The following C17orf99 variants were observed in gnomAD, a reference collection of about 807,000 sequenced individuals.
C17orf99 encodes the protein protein IL-40.
In C17orf99, 18 loss-of-function variants were observed where a neutral mutation model predicts 22.6. The observed-to-expected ratio is 0.80, with a 90% CI of 0.55 to 1.18. The LOEUF (loss-of-function observed/expected upper bound fraction) is 1.18, where lower values mean the gene tolerates loss of function less well. Ranked by LOEUF, C17orf99 falls within the 50% of genes most tolerant of loss-of-function variation. The pLI is 0.00. For missense variants in C17orf99, 328 were observed against 342.7 expected, an observed-to-expected ratio of 0.96 and a Z score of 0.34; for synonymous variants, 147 against 136.6, an observed-to-expected ratio of 1.08 and a Z score of -0.53.
intron 3 of C17orf99, among the ~76,000 whole-genome samples, chr17:78,163,127 G>A (rs1231218984): frequency 6.6e-6 from 1 of 152,204 alleles, no homozygotes; most frequent in African/African-American, 2.4e-5. Context: ...GGTGGTGCAT[G>A]CCTGTCGTCC....
At chr17:78,150,116 A>C (rs2075469770) in intron 2 of C17orf99, among the ~76,000 whole-genome samples, 1 of 150,962 alleles carries the variant, frequency 6.6e-6, no homozygotes, top group Non-Finnish European at 1.5e-5. Context: ...TCAAGCCATC[A>C]TCCCGCCTCA....
intron 2 of C17orf99, among the ~76,000 whole-genome samples, chr17:78,149,720 T>G (rs1368346481): frequency 6.7e-6 from 1 of 149,892 alleles, no homozygotes; most frequent in East Asian, 2.0e-4. Flanking sequence ...TAATTTTTTT[T>G]TTTTTTTGAG....
chr17:78,151,899 G>T (rs1411563405), intron 2 of C17orf99, among the ~76,000 whole-genome samples: 1 of 152,156 alleles, frequency 6.6e-6, no homozygotes, highest in Non-Finnish European at 1.5e-5. Context: ...CTCCAGGGTT[G>T]GGACTGGAAT....
intron 2 of C17orf99, among the ~76,000 whole-genome samples, chr17:78,155,827 A>C (rs891932660): frequency 1.3e-5 from 2 of 151,280 alleles, no homozygotes; most frequent in African/African-American, 4.9e-5. Context: ...GGGTTTCTTC[A>C]TGTTGGCCAG....
chr17:78,163,629 G>A (rs1443271386), intron 3 of C17orf99, among the ~76,000 whole-genome samples: 1 of 152,226 alleles, frequency 6.6e-6, no homozygotes, highest in Non-Finnish European at 1.5e-5. Flanking sequence ...CACTTTGGGA[G>A]GCTGAGGCAG....
In C17orf99 at chr17:78,161,580, T is replaced by C. The variant is rs181989985; in HGVS notation, c.370+326T>C. Among the ~76,000 whole-genome samples, 772 of 152,176 alleles carry C rather than the reference T, an allele frequency of 5.1e-3. 3 individuals are homozygous for C. The highest frequency in any genetic ancestry group is 0.017 in the African/African-American group (706 of 41,522). ...AGGTGATAAACTAGGCACGTTTGTC[T>C]GGGCGCAAATCCCAGCACTGTGGGA... On this transcript the variant is annotated intron_variant, in intron 3 of 4. Coordinates refer to ENST00000340363, the MANE Select transcript of C17orf99 (RefSeq NM_001163075.2).
At chr17:78,151,381 G>A (rs1186479248) in intron 2 of C17orf99, among the ~76,000 whole-genome samples, 4 of 123,792 alleles carry the variant, frequency 3.2e-5, no homozygotes, top group African/African-American at 9.8e-5. Context: ...CCGAGATCGT[G>A]CCACTGCACT....
intron 2 of C17orf99, among the ~76,000 whole-genome samples, chr17:78,157,165 A>G (rs1236065406): frequency 6.6e-6 from 1 of 151,354 alleles, no homozygotes; most frequent in Non-Finnish European, 1.5e-5. Flanking sequence ...CTCCGTCTCT[A>G]CTAAAAATAC....
At chr17:78,151,423 C>CTAAA (rs2075482175) in intron 2 of C17orf99, among the ~76,000 whole-genome samples, 1 of 56,180 alleles carries the variant, frequency 1.8e-5, no homozygotes, top group Admixed American at 2.0e-4. Context: ...GACTCTGTCT[C>CTAAA]AAAAAAAAAA....
intron 2 of C17orf99, 115 bp from the exon 3 acceptor site, chr17:78,160,840 C>T (rs908498358): frequency 2.1e-5 from 17 of 808,740 alleles, no homozygotes; most frequent in Non-Finnish European, 3.3e-5. Context: ...ACCTGGACCT[C>T]CCAAACACTG....
intron 2 of C17orf99, among the ~76,000 whole-genome samples, chr17:78,149,653 C>A (rs902144846): frequency 6.6e-6 from 1 of 152,190 alleles, no homozygotes; most frequent in African/African-American, 2.4e-5. Flanking sequence ...CCTGCCCCAG[C>A]CTCCCAAGTA....
chr17:78,154,703 A>G (rs1471478385), intron 2 of C17orf99, among the ~76,000 whole-genome samples: 2 of 151,372 alleles, frequency 1.3e-5, no homozygotes, highest in African/African-American at 4.9e-5. Flanking sequence ...TTAGCCAGGC[A>G]TGGTGACGCA....
chr17:78,152,046 C>G (rs763610334), intron 2 of C17orf99, among the ~76,000 whole-genome samples: 5 of 152,146 alleles, frequency 3.3e-5, no homozygotes, highest in Admixed American at 2.6e-4. Context: ...GCAGTGACCC[C>G]GTGCCCAGCC....
intron 2 of C17orf99, among the ~76,000 whole-genome samples, chr17:78,153,341 C>T (rs768258271): frequency 5.3e-5 from 8 of 151,894 alleles, no homozygotes; most frequent in Non-Finnish European, 1.2e-4. Flanking sequence ...AAAAATTAGC[C>T]GGGCGTGGTG....
At position 78,165,273 on chromosome 17, in the gene C17orf99, T is replaced by C. The variant is rs150085032; in HGVS notation, c.641-616T>C. 1.6e-3 allele frequency: 1,594 copies of C among 986,650 alleles called. 27 individuals carry two copies. In the African/African-American group the frequency reaches 0.025, roughly 16 times the overall value. 61.1% of individuals were successfully genotyped at this position (986,650 alleles called of 1,614,324 possible). A position where few individuals can be genotyped will look rare whatever the true frequency, so the allele number is the denominator to read the frequency against. Reference sequence around the variant, plus strand: ...AGACACTGCCGTGTCCTGGTTCTCATCCTCTGCCCGTGGCCCAGGCCCTTA... The same window carrying C: ...AGACACTGCCGTGTCCTGGTTCTCACCCTCTGCCCGTGGCCCAGGCCCTTA... On this transcript the variant is annotated intron_variant, in intron 4 of 4. Transcript: ENST00000340363.
chr17:78,160,909 T>C (rs2075569880), intron 2 of C17orf99, 46 bp from the exon 3 acceptor site: 1 of 1,479,382 alleles, frequency 6.8e-7, no homozygotes. Context: ...AGGTGCTTGA[T>C]CAATGTCGGT....
At chr17:78,149,871 A>G (rs750363813) in intron 2 of C17orf99, among the ~76,000 whole-genome samples, 44 of 151,800 alleles carry the variant, frequency 2.9e-4, no homozygotes, top group African/African-American at 8.7e-4. Flanking sequence ...CACCACGCCC[A>G]GCTAATTTTT....
In C17orf99 at chr17:78,160,952, C is replaced by G. The variant is rs1239916180; in HGVS notation, c.71-3C>G. The G allele has an allele frequency of 1.9e-6, 3 of 1,547,112 alleles. No homozygotes were observed. Among genetic ancestry groups the G allele is most frequent in the Non-Finnish European group, 1.7e-6 (2 of 1,143,574 alleles). ...TTCCTCCTTGGACCTTTTCATCTCC[C>G]AGAAATTACCCCTGTGGTCTCCATT... On this transcript the variant is annotated splice_polypyrimidine_tract_variant and splice_region_variant and intron_variant, in intron 2 of 4. Transcript: ENST00000340363.
chr17:78,160,825 C>A, intron 2 of C17orf99, 130 bp from the exon 3 acceptor site: 1 of 691,228 alleles, frequency 1.4e-6, no homozygotes, highest in South Asian at 1.9e-5. Flanking sequence ...TCAAGTGATC[C>A]GTCCACCTGG....
Sources: allele counts gnomAD v4.1 joint callset (sites outside exome capture counted in the v4.1 genomes callset), GRCh38; gene constraint gnomAD v4.1.1; transcripts MANE v1.5; gene names NCBI Gene and HGNC (gene_info 2026-07-23, HGNC 2026-07-21).